The following OR2L13 variants were observed in gnomAD, a reference collection of about 807,000 sequenced individuals.
OR2L13 encodes the protein olfactory receptor 2L13.
In OR2L13, 14 loss-of-function variants were observed where a neutral mutation model predicts 15.3. That is an observed-to-expected ratio of 0.91 (90% CI 0.60 to 1.43). OR2L13 has a LOEUF of 1.43. Among genes scored for constraint, OR2L13 ranks in the 40% most tolerant of loss-of-function variants. The pLI, the probability that OR2L13 is intolerant of heterozygous loss-of-function variation, is 0.00. For synonymous variants in OR2L13, 152 were observed against 142.9 expected (o/e 1.06, Z -0.45); for missense variants, 367 against 387.9 (o/e 0.95, Z 0.45).
At chr1:248,058,845 T>C in the OR2L13 span, among the ~76,000 whole-genome samples, 5 of 152,196 alleles carry the variant, frequency 3.3e-5, no homozygotes, top group South Asian at 2.1e-4. Context: ...TTTTTATCTT[T>C]CCTAAATTAC....
the OR2L13 span, among the ~76,000 whole-genome samples, chr1:247,982,641 C>A: frequency 2.6e-5 from 4 of 152,120 alleles, no homozygotes; most frequent in African/African-American, 7.2e-5. Flanking sequence ...AGTAGGGAAA[C>A]TTTTATATTG....
At chr1:248,001,087 A>G in the OR2L13 span, among the ~76,000 whole-genome samples, 6 of 152,112 alleles carry the variant, frequency 3.9e-5, no homozygotes, top group Non-Finnish European at 8.8e-5. Context: ...ACATTTACTC[A>G]TAGGTTTGTG....
chr1:248,038,452 T>C, the OR2L13 span: 2 of 1,613,762 alleles, frequency 1.2e-6, no homozygotes, highest in South Asian at 2.2e-5. Flanking sequence ...TATTTCCTAC[T>C]TAGTCAGCTC....
chr1:247,938,235 AG>A, the OR2L13 span, among the ~76,000 whole-genome samples: 4 of 152,184 alleles, frequency 2.6e-5, no homozygotes, highest in African/African-American at 7.2e-5. Flanking sequence ...GTAGAGAATG[AG>A]TAAAATTACT....
chr1:248,089,785 T>G, the OR2L13 span, among the ~76,000 whole-genome samples: 1 of 152,184 alleles, frequency 6.6e-6, no homozygotes, highest in Non-Finnish European at 1.5e-5. Context: ...CAACCATGTT[T>G]TCTTCTGAAT....
exon 2 of OR2L13, chr1:248,098,756 A>G (rs1664786536): frequency 6.6e-6 from 1 of 152,282 alleles, no homozygotes; most frequent in Middle Eastern, 3.2e-3. Context: ...ACAAAACATG[A>G]CCTCTCACTC....
chr1:247,969,839 G>A, the OR2L13 span, among the ~76,000 whole-genome samples: 1 of 152,184 alleles, frequency 6.6e-6, no homozygotes, highest in African/African-American at 2.4e-5. Flanking sequence ...GGGGGCCAGA[G>A]CCATGGAATA....
At chr1:247,995,996 A>C in the OR2L13 span, among the ~76,000 whole-genome samples, 1 of 152,134 alleles carries the variant, frequency 6.6e-6, no homozygotes, top group Non-Finnish European at 1.5e-5. Context: ...CTTCTCCACC[A>C]ATCAGCAATC....
chr1:248,026,758 C>T, the OR2L13 span, among the ~76,000 whole-genome samples: 29 of 151,336 alleles, frequency 1.9e-4, no homozygotes, highest in South Asian at 1.0e-3. Context: ...ATTTCATGGA[C>T]ACTTATCACT....
chr1:247,962,543 C>G, the OR2L13 span, among the ~76,000 whole-genome samples: 1 of 152,076 alleles, frequency 6.6e-6, no homozygotes, highest in South Asian at 2.1e-4. Context: ...ATGGTTTATC[C>G]CTATTTGCCC....
upstream of OR2L13, among the ~76,000 whole-genome samples, chr1:248,091,814 TA>T (rs1664604021): frequency 6.6e-6 from 1 of 152,192 alleles, no homozygotes; most frequent in Non-Finnish European, 1.5e-5. Flanking sequence ...TTGTTTTCTC[TA>T]ATCCTGTGAG....
the OR2L13 span, among the ~76,000 whole-genome samples, chr1:247,964,873 G>A: frequency 6.8e-6 from 1 of 148,030 alleles, no homozygotes; most frequent in African/African-American, 2.5e-5. Context: ...AGTATATATA[G>A]AAATTACATA....
chr1:248,049,662 T>TA, the OR2L13 span, among the ~76,000 whole-genome samples: 4 of 152,214 alleles, frequency 2.6e-5, no homozygotes, highest in Non-Finnish European at 4.4e-5. Context: ...TTTTAATCAT[T>TA]AAAAAATCCT....
the OR2L13 span, among the ~76,000 whole-genome samples, chr1:247,949,950 A>G: frequency 1.3e-5 from 2 of 152,160 alleles, no homozygotes; most frequent in African/African-American, 4.8e-5. Context: ...TTTTACAAAT[A>G]TATATATAAT....
At chr1:248,024,855 T>C in the OR2L13 span, among the ~76,000 whole-genome samples, 2 of 152,190 alleles carry the variant, frequency 1.3e-5, no homozygotes, top group Non-Finnish European at 2.9e-5. Flanking sequence ...CCCCCAGCTT[T>C]GTTCTTTTGG....
At chr1:248,003,922 G>C in the OR2L13 span, 1 of 1,613,076 alleles carries the variant, frequency 6.2e-7, no homozygotes, top group Non-Finnish European at 8.5e-7. Context: ...CAAGATCCCT[G>C]TAATCTCCAA....
At chr1:248,078,826 A>T in the OR2L13 span, among the ~76,000 whole-genome samples, 2 of 152,090 alleles carry the variant, frequency 1.3e-5, no homozygotes, top group South Asian at 2.1e-4. Context: ...GATAACTTGG[A>T]TAGGGCTCAA....
At chr1:248,041,613 G>A in the OR2L13 span, 1 of 152,066 alleles carries the variant, frequency 6.6e-6, no homozygotes, top group Non-Finnish European at 1.5e-5. Flanking sequence ...CTACTCATCT[G>A]ACAAAGGGCT....
the OR2L13 span, among the ~76,000 whole-genome samples, chr1:247,962,739 T>G: frequency 6.6e-6 from 1 of 152,192 alleles, no homozygotes; most frequent in Non-Finnish European, 1.5e-5. Context: ...TTAATTGACT[T>G]TCTACAAATC....
Sources: allele counts gnomAD v4.1 joint callset (sites outside exome capture counted in the v4.1 genomes callset), GRCh38; gene constraint gnomAD v4.1.1; transcripts MANE v1.5; gene names NCBI Gene and HGNC (gene_info 2026-07-23, HGNC 2026-07-21).